Variants in RBFOX1 observed in about 807,000 individuals in gnomAD.
RBFOX1 encodes RNA binding fox-1 homolog 1, also known as RNA binding protein fox-1 homolog 1.
In RBFOX1, 8 loss-of-function variants were observed where a neutral mutation model predicts 57.7. The ratio of observed to expected loss-of-function variants is 0.14; its 90% confidence interval spans 0.08 to 0.25. RBFOX1 has a LOEUF of 0.25. Ranked by LOEUF, RBFOX1 falls within the 10% of genes least tolerant of loss-of-function variation. RBFOX1 has a pLI of 1.00. For missense variants in RBFOX1, 611 were observed against 548.5 expected (o/e 1.11, Z -1.14); for synonymous variants, 326 against 222.4 (o/e 1.47, Z -4.15).
intron 3 of RBFOX1, among the ~76,000 whole-genome samples, chr16:5,703,223 A>G (rs1444575879): frequency 6.6e-6 from 1 of 152,262 alleles, no homozygotes; most frequent in African/African-American, 2.4e-5. Context: ...TACAGGACAC[A>G]TAACACAGGG....
At chr16:7,092,738 G>A (rs1176400801) in intron 4 of RBFOX1, among the ~76,000 whole-genome samples, 3 of 151,962 alleles carry the variant, frequency 2.0e-5, no homozygotes, top group Non-Finnish European at 4.4e-5. Flanking sequence ...AAGGTATGAA[G>A]AGCTGAAAAC....
chr16:7,379,582 CAAT>C (rs1293853068), intron 4 of RBFOX1, among the ~76,000 whole-genome samples: 2 of 152,074 alleles, frequency 1.3e-5, no homozygotes, highest in African/African-American at 2.4e-5. Context: ...TATATATAGA[CAAT>C]AAAGAAACTC....
chr16:7,437,490 G>A (rs1351402070), intron 4 of RBFOX1, among the ~76,000 whole-genome samples: 3 of 152,168 alleles, frequency 2.0e-5, no homozygotes, highest in Non-Finnish European at 4.4e-5. Context: ...TCCATGCAGT[G>A]TGTTTTTCTA....
chr16:6,888,965 G>C (rs564862636), intron 3 of RBFOX1, among the ~76,000 whole-genome samples: 2 of 152,150 alleles, frequency 1.3e-5, no homozygotes, highest in African/African-American at 4.8e-5. Context: ...GGTATGGGCA[G>C]ACACAGCTTT....
At chr16:5,554,848 C>T (rs567001232) in intron 2 of RBFOX1, among the ~76,000 whole-genome samples, 1 of 152,220 alleles carries the variant, frequency 6.6e-6, no homozygotes, top group African/African-American at 2.4e-5. Flanking sequence ...TTCCTGCCTT[C>T]TGAGCAGTTG....
intron 3 of RBFOX1, among the ~76,000 whole-genome samples, chr16:5,642,011 A>G (rs1346435907): frequency 6.6e-6 from 1 of 152,172 alleles, no homozygotes; most frequent in African/African-American, 2.4e-5. Flanking sequence ...CTCAGGGGAT[A>G]CCAAGGCTGC....
rs554746835 is a variant in RBFOX1 at position 5,467,285 on chromosome 16, G to A, written c.258+31G>A. 17 of 1,461,096 alleles carry A rather than the reference G, an allele frequency of 1.2e-5. No individual in the cohort carries two copies. The East Asian group carries it at 2.7e-4, about 23-fold the overall frequency. 90.5% of individuals were successfully genotyped at this position (1,461,096 alleles called of 1,614,324 possible). On this transcript the variant is annotated intron_variant, in intron 2 of 2. Transcript: ENST00000585867. ...TGCTCATTTTGTCCTGACTTAGGATGTCTGTGAAGTCTAGTGGAAATGAAA... is the reference window on the plus strand; with the variant it reads ...TGCTCATTTTGTCCTGACTTAGGATATCTGTGAAGTCTAGTGGAAATGAAA...
chr16:5,364,578 A>G (rs1019885792), intron 1 of RBFOX1, among the ~76,000 whole-genome samples: 2 of 152,210 alleles, frequency 1.3e-5, no homozygotes, highest in Non-Finnish European at 1.5e-5. Flanking sequence ...TACTTACTCC[A>G]TTCTCTATCT....
At chr16:5,354,597 C>T (rs1272766454) in intron 1 of RBFOX1, among the ~76,000 whole-genome samples, 1 of 152,246 alleles carries the variant, frequency 6.6e-6, no homozygotes, top group African/African-American at 2.4e-5. Flanking sequence ...TAATCTTAAG[C>T]CGCTTTTCCA....
intron 4 of RBFOX1, among the ~76,000 whole-genome samples, chr16:5,963,950 CA>C (rs1360494644): frequency 1.3e-5 from 2 of 152,076 alleles, no homozygotes; most frequent in African/African-American, 4.8e-5. Flanking sequence ...AAACCCTCAA[CA>C]AAATGGAAAG....
At chr16:6,763,718 C>A (rs889501234) in intron 3 of RBFOX1, among the ~76,000 whole-genome samples, 4 of 152,176 alleles carry the variant, frequency 2.6e-5, no homozygotes, top group Non-Finnish European at 5.9e-5. Flanking sequence ...CCCCTTTTAG[C>A]CTGATAGCAC....
chr16:6,043,120 G>GAAAAAAA (rs570358262), intron 1 of RBFOX1, among the ~76,000 whole-genome samples: 944 of 70,190 alleles, frequency 0.013, 40 homozygotes, highest in Non-Finnish European at 0.018. Flanking sequence ...TGTGTTTCCA[G>GAAAAAAA]AAAAAAAAAA....
rs541796989 is a variant in RBFOX1 at position 6,502,209 on chromosome 16, G to A, written c.-63-152394G>A. Among the ~76,000 whole-genome samples the A allele has an allele frequency of 9.2e-5, 14 of 152,244 alleles. No individual in the cohort carries two copies. In the East Asian group the frequency reaches 2.7e-3, roughly 29 times the overall value. On this transcript the variant is annotated intron_variant, in intron 2 of 15. Transcript: ENST00000550418. ...TGCTTCTGTTATATCTTTCTCATGG[G>A]GAGCTATGCAGATCCATCTGTAGGG... is the stretch of plus-strand genomic sequence containing the variant.
intron 3 of RBFOX1, among the ~76,000 whole-genome samples, chr16:6,964,467 G>C (rs1303517544): frequency 6.6e-6 from 1 of 152,100 alleles, no homozygotes; most frequent in African/African-American, 2.4e-5. Context: ...ATTGTGATGT[G>C]TCAGTGTATA....
chr16:5,264,016 G>C (rs965165493), intron 1 of RBFOX1, among the ~76,000 whole-genome samples: 6 of 152,182 alleles, frequency 3.9e-5, no homozygotes, highest in African/African-American at 1.4e-4. Flanking sequence ...TTTTCCAGGT[G>C]GGTGTGGTTG....
At chr16:6,909,613 C>T (rs2071031919) in intron 3 of RBFOX1, among the ~76,000 whole-genome samples, 1 of 152,208 alleles carries the variant, frequency 6.6e-6, no homozygotes, top group Non-Finnish European at 1.5e-5. Context: ...TCTCCCCAAG[C>T]CTGTTCTCTC....
intron 3 of RBFOX1, among the ~76,000 whole-genome samples, chr16:6,902,155 C>A (rs4786127): frequency 0.79 from 119,688 of 151,918 alleles, 47,890 homozygotes; most frequent in East Asian, 0.93. Flanking sequence ...TGGTGCTTTT[C>A]GTACCTGGGA....
chr16:7,157,533 A>G (rs1375707319), intron 4 of RBFOX1, among the ~76,000 whole-genome samples: 2 of 152,126 alleles, frequency 1.3e-5, no homozygotes, highest in Non-Finnish European at 2.9e-5. Context: ...AATCCAGTGA[A>G]CACCAACCAT....
At chr16:6,904,613 AAAAAAAAAAAAAAAAG>A (rs1201132976) in intron 3 of RBFOX1, among the ~76,000 whole-genome samples, 18 of 150,304 alleles carry the variant, frequency 1.2e-4, no homozygotes, top group South Asian at 2.1e-4. Flanking sequence ...AAAAAAAAAA[AAAAAAAAAAAAAAAAG>A]AAGAAGAAGA....
Sources: allele counts gnomAD v4.1 joint callset (sites outside exome capture counted in the v4.1 genomes callset), GRCh38; gene constraint gnomAD v4.1.1; transcripts MANE v1.5; gene names NCBI Gene and HGNC (gene_info 2026-07-23, HGNC 2026-07-21).